NEGR1: variants seen among roughly 807,000 people sequenced by gnomAD.
The protein encoded by NEGR1 is IgLON family member 4.
In NEGR1, 10 loss-of-function variants were observed where a neutral mutation model predicts 40.9. That is an observed-to-expected ratio of 0.24 (90% CI 0.15 to 0.42). The LOEUF (loss-of-function observed/expected upper bound fraction) is 0.42, where lower values mean the gene tolerates loss of function less well. Among genes scored for constraint, NEGR1 ranks in the 10% least tolerant of loss-of-function variants. NEGR1 has a pLI of 1.00. For missense variants in NEGR1, 352 were observed against 438.9 expected (o/e 0.80, Z 1.77); for synonymous variants, 185 against 166.8 (o/e 1.11, Z -0.84).
At position 71,489,118 on chromosome 1, in the gene NEGR1, A is replaced by T. The variant is rs537814463; in HGVS notation, c.941-81548T>A. Among the ~76,000 whole-genome samples the T allele has an allele frequency of 5.9e-5, 9 of 151,810 alleles. No individual in the cohort carries two copies. In the South Asian group the frequency reaches 1.9e-3, roughly 32 times the overall value. ...GTATGTAGTCTTGGTGGACGGATTA[A>T]AGATAAACAGATTCTACCATGTAAG... is the stretch of plus-strand genomic sequence containing the variant. On this transcript the variant is annotated intron_variant, in intron 6 of 6. Transcript: ENST00000357731.
At chr1:71,409,159 C>A (rs1646300020) in intron 6 of NEGR1, 1 of 151,990 alleles carries the variant, frequency 6.6e-6, no homozygotes, top group South Asian at 2.1e-4. Context: ...GAGAGCTTTT[C>A]AATTTCTGAT....
intron 6 of NEGR1, among the ~76,000 whole-genome samples, chr1:71,434,463 T>A (rs1169359884): frequency 6.6e-6 from 1 of 152,198 alleles, no homozygotes; most frequent in Admixed American, 6.5e-5. Context: ...GATGAGTATC[T>A]GCTTAATACA....
intron 6 of NEGR1, among the ~76,000 whole-genome samples, chr1:71,570,740 C>A (rs909443481): frequency 2.6e-5 from 4 of 151,858 alleles, no homozygotes; most frequent in African/African-American, 7.3e-5. Flanking sequence ...CACATGAAGG[C>A]ATACCAATTA....
At chr1:71,960,918 T>C (rs1015715245) in intron 1 of NEGR1, among the ~76,000 whole-genome samples, 1 of 152,142 alleles carries the variant, frequency 6.6e-6, no homozygotes, top group African/African-American at 2.4e-5. Context: ...GATGACAAAA[T>C]ACAAAATAAA....
intron 6 of NEGR1, among the ~76,000 whole-genome samples, chr1:71,541,277 T>C (rs1647696270): frequency 6.6e-6 from 1 of 151,748 alleles, no homozygotes; most frequent in African/African-American, 2.4e-5. Context: ...TACAGGTAGA[T>C]ACCAATTTTT....
At chr1:72,033,362 T>C (rs1221799652) in intron 1 of NEGR1, among the ~76,000 whole-genome samples, 1 of 152,154 alleles carries the variant, frequency 6.6e-6, no homozygotes, top group Non-Finnish European at 1.5e-5. Context: ...AGGCACTTGC[T>C]CCTTTAACAG....
chr1:71,798,592 G>A (rs993451048), intron 2 of NEGR1, among the ~76,000 whole-genome samples: 2 of 152,148 alleles, frequency 1.3e-5, no homozygotes, highest in Admixed American at 6.6e-5. Context: ...CTATTTTGCT[G>A]ATGGGGCGAC....
intron 6 of NEGR1, among the ~76,000 whole-genome samples, chr1:71,480,860 A>G (rs1646849752): frequency 6.6e-6 from 1 of 151,920 alleles, no homozygotes; most frequent in African/African-American, 2.4e-5. Flanking sequence ...TTCCTAGTAT[A>G]TAATTAATAA....
chr1:72,207,733 G>A (rs1481697272), intron 1 of NEGR1, among the ~76,000 whole-genome samples: 1 of 151,562 alleles, frequency 6.6e-6, no homozygotes, highest in Non-Finnish European at 1.5e-5. Context: ...ATCTGGCTAT[G>A]GTCATTTTTA....
At chr1:71,653,903 G>A (rs1205371375) in intron 4 of NEGR1, among the ~76,000 whole-genome samples, 2 of 152,078 alleles carry the variant, frequency 1.3e-5, no homozygotes, top group African/African-American at 4.8e-5. Context: ...CAAAACCCAT[G>A]GTTTCAGGCT....
At chr1:71,832,221 AG>A (rs1277687608) in intron 2 of NEGR1, among the ~76,000 whole-genome samples, 2 of 152,000 alleles carry the variant, frequency 1.3e-5, no homozygotes, top group East Asian at 3.9e-4. Context: ...GAAGAATAAA[AG>A]ATAGCCTGGA....
At chr1:72,280,775 CATT>C (rs1656215323) in intron 1 of NEGR1, among the ~76,000 whole-genome samples, 1 of 152,140 alleles carries the variant, frequency 6.6e-6, no homozygotes, top group Non-Finnish European at 1.5e-5. Flanking sequence ...ACACCCACAT[CATT>C]AAATTTAAAT....
chr1:71,760,800 T>C (rs1251724950), intron 3 of NEGR1, among the ~76,000 whole-genome samples: 2 of 152,156 alleles, frequency 1.3e-5, no homozygotes, highest in African/African-American at 4.8e-5. Context: ...GCTGTGTACA[T>C]GTACACAGTC....
At chr1:72,197,711 G>A (rs762434088) in intron 1 of NEGR1, among the ~76,000 whole-genome samples, 6 of 151,768 alleles carry the variant, frequency 4.0e-5, no homozygotes, top group South Asian at 2.1e-4. Context: ...TACAACCAGC[G>A]AAAGCATTTA....
At chr1:71,748,046 G>T (rs1655446092) in intron 3 of NEGR1, among the ~76,000 whole-genome samples, 1 of 152,076 alleles carries the variant, frequency 6.6e-6, no homozygotes, top group Non-Finnish European at 1.5e-5. Context: ...TGATTATTCT[G>T]TTATTAAAAC....
intron 2 of NEGR1, among the ~76,000 whole-genome samples, chr1:71,782,991 A>AC (rs1656770177): frequency 1.4e-5 from 2 of 146,514 alleles, no homozygotes; most frequent in Admixed American, 1.4e-4. Flanking sequence ...TGGTCTCAGT[A>AC]TTTTTTTTTT....
chr1:71,562,985 G>A (rs1275270885), intron 6 of NEGR1, among the ~76,000 whole-genome samples: 1 of 151,938 alleles, frequency 6.6e-6, no homozygotes, highest in Non-Finnish European at 1.5e-5. Context: ...TATTTCATTG[G>A]CCAAAGCAAG....
chr1:72,182,315 G>A (rs146643817), intron 1 of NEGR1, among the ~76,000 whole-genome samples: 3,008 of 152,164 alleles, frequency 0.02, 93 homozygotes, highest in African/African-American at 0.068. Context: ...CCAACATGGT[G>A]AAACCCTGTC....
rs1358685850 is a variant in NEGR1, at chr1:71,404,599, CT to C, written c.*2846del. ...TTCCTTCCATCCTTCCTTTTTTTCC[CT>C]CTTTACTGCCTTTCCTTTTCATTCT... is the stretch of plus-strand genomic sequence containing the variant. On this transcript the variant is annotated 3_prime_UTR_variant, in exon 7 of 7. Coordinates refer to ENST00000357731, the MANE Select transcript of NEGR1 (RefSeq NM_173808.3). 5 of 150,136 alleles carry C rather than the reference CT, an allele frequency of 3.3e-5. No homozygotes were observed. Among genetic ancestry groups the C allele is most frequent in the Non-Finnish European group, 7.4e-5 (5 of 67,146 alleles). The allele number at this position is 150,136 out of a possible 1,614,324, so 9.3% of individuals were successfully genotyped here. A position where few individuals can be genotyped will look rare whatever the true frequency, so the allele number is the denominator to read the frequency against.
Sources: gnomAD v4.1 joint callset for allele counts (sites outside exome capture counted in the v4.1 genomes callset) on GRCh38, gnomAD v4.1.1 for gene constraint, MANE v1.5 for transcripts, NCBI Gene and HGNC (gene_info 2026-07-23, HGNC 2026-07-21) for gene names.